The following MYLK4 variants were observed in gnomAD, a reference collection of about 807,000 sequenced individuals.
MYLK4 encodes the protein myosin light chain kinase family member 4.
Under a neutral mutation model 48.1 loss-of-function variants are expected in MYLK4, and 46 were observed. The ratio of observed to expected loss-of-function variants is 0.96; its 90% CI spans 0.75 to 1.22. MYLK4 has a LOEUF of 1.22. Among genes scored for constraint, MYLK4 ranks in the 50% most tolerant of loss-of-function variants. MYLK4 has a pLI of 0.00. For missense variants in MYLK4, 451 were observed against 486.1 expected, an observed-to-expected ratio of 0.93 and a Z score of 0.68; for synonymous variants, 170 against 180.8, an observed-to-expected ratio of 0.94 and a Z score of 0.48.
intron 2 of MYLK4, among the ~76,000 whole-genome samples, chr6:2,737,983 G>GA (rs1277845178): frequency 8.7e-6 from 1 of 115,332 alleles, no homozygotes; most frequent in Admixed American, 9.5e-5. Context: ...GGGGCGGGTG[G>GA]GGGGGGGGTG....
At chr6:2,761,637 C>T in the MYLK4 span, among the ~76,000 whole-genome samples, 2 of 152,178 alleles carry the variant, frequency 1.3e-5, no homozygotes, top group African/African-American at 4.8e-5. Context: ...TCTTATTCCT[C>T]CTTTAGATTT....
At chr6:2,768,680 A>G in the MYLK4 span, 13 of 1,587,864 alleles carry the variant, frequency 8.2e-6, no homozygotes, top group South Asian at 5.7e-5. Flanking sequence ...CATGTATGTC[A>G]TCTTTTCTAG....
chr6:2,768,954 C>G, the MYLK4 span: 1 of 1,443,764 alleles, frequency 6.9e-7, no homozygotes, highest in Non-Finnish European at 9.4e-7. Context: ...GATCACTATA[C>G]AAACGCTAGA....
At chr6:2,709,401 G>A (rs929509555) in intron 2 of MYLK4, among the ~76,000 whole-genome samples, 6 of 152,160 alleles carry the variant, frequency 3.9e-5, no homozygotes, top group Admixed American at 1.3e-4. Context: ...GGATCTGCCC[G>A]TGAGGCATGG....
the MYLK4 span, among the ~76,000 whole-genome samples, chr6:2,764,399 G>A: frequency 6.6e-6 from 1 of 152,180 alleles, no homozygotes; most frequent in African/African-American, 2.4e-5. Context: ...CTGGGCGACA[G>A]AACGAGTGAG....
chr6:2,689,289 T>C (rs1014947527), intron 3 of MYLK4, among the ~76,000 whole-genome samples: 3 of 152,214 alleles, frequency 2.0e-5, no homozygotes, highest in African/African-American at 7.2e-5. Flanking sequence ...CTGAGACCAT[T>C]CAAATTCAAA....
chr6:2,693,280 A>G (rs1761886745), intron 2 of MYLK4, among the ~76,000 whole-genome samples: 1 of 152,234 alleles, frequency 6.6e-6, no homozygotes. Flanking sequence ...GCCCATCTTC[A>G]TGAATAGATG....
rs573708034 is a variant in MYLK4, at chr6:2,749,393, C to T, written c.-99G>A. On this transcript the variant is annotated 5_prime_UTR_variant, in exon 2 of 13. Transcript: ENST00000274643. ...AGGACACAATTATGACTCTTCAGTG[C>T]TTCTTTCTCTTGACTGCAAAGAAAG... The T allele has an allele frequency of 1.1e-6, 1 of 870,098 alleles. No individual in the cohort carries two copies. The highest frequency in any genetic ancestry group is 2.1e-5 in the South Asian group (1 of 47,106). 53.9% of individuals were successfully genotyped at this position (870,098 alleles called of 1,614,324 possible).
intron 8 of MYLK4, 90 bp downstream of exon 8, chr6:2,680,131 C>A: frequency 1.4e-6 from 2 of 1,386,632 alleles, no homozygotes; most frequent in African/African-American, 1.5e-5. Context: ...ATCATGAAAC[C>A]AAAGAGCAGA....
intron 2 of MYLK4, chr6:2,743,989 C>T (rs1052000051): frequency 1.0e-5 from 4 of 398,762 alleles, no homozygotes; most frequent in African/African-American, 6.2e-5. Context: ...AGAGAAGGCA[C>T]ACGCTACCTA....
At chr6:2,716,514 T>C (rs1351931679) in intron 2 of MYLK4, among the ~76,000 whole-genome samples, 2 of 152,234 alleles carry the variant, frequency 1.3e-5, no homozygotes, top group Admixed American at 1.3e-4. Flanking sequence ...TTTCAGTTAT[T>C]TTCTGTAGTT....
chr6:2,764,429 C>G, the MYLK4 span, among the ~76,000 whole-genome samples: 3 of 152,036 alleles, frequency 2.0e-5, no homozygotes, highest in Non-Finnish European at 4.4e-5. Flanking sequence ...GTGCTCTTGC[C>G]CAGATGAAAT....
At chr6:2,676,664 G>A (rs1761093494) in intron 10 of MYLK4, among the ~76,000 whole-genome samples, 1 of 152,146 alleles carries the variant, frequency 6.6e-6, no homozygotes, top group South Asian at 2.1e-4. Context: ...CGGCCCAAAT[G>A]GGCATCTGAT....
intron 3 of MYLK4, among the ~76,000 whole-genome samples, chr6:2,689,595 C>G (rs1015414319): frequency 2.6e-5 from 4 of 152,214 alleles, no homozygotes; most frequent in Non-Finnish European, 4.4e-5. Flanking sequence ...TTTAAACGCT[C>G]GTCCACATCA....
chr6:2,736,454 A>G (rs9503288), intron 2 of MYLK4, among the ~76,000 whole-genome samples: 51,529 of 152,138 alleles, frequency 0.34, 8,729 homozygotes, highest in East Asian at 0.39. Context: ...GGCCTTTAAC[A>G]CTCTAACCTG....
At chr6:2,736,925 T>C (rs1015523179) in intron 2 of MYLK4, among the ~76,000 whole-genome samples, 1 of 152,236 alleles carries the variant, frequency 6.6e-6, no homozygotes, top group Non-Finnish European at 1.5e-5. Context: ...GCATCAGGTG[T>C]AAAGTAGCCA....
intron 9 of MYLK4, 93 bp downstream of exon 9, chr6:2,679,187 A>G: frequency 2.8e-6 from 4 of 1,447,832 alleles, no homozygotes; most frequent in Non-Finnish European, 3.8e-6. Flanking sequence ...TATTTTTTAA[A>G]TACCCCAATT....
chr6:2,753,992 C>A (rs1764360474), upstream of MYLK4, among the ~76,000 whole-genome samples: 2 of 141,654 alleles, frequency 1.4e-5, no homozygotes, highest in South Asian at 4.6e-4. Context: ...AAGACCCCAT[C>A]TCTACCAAAA....
At chr6:2,732,728 T>A (rs1165663678) in intron 2 of MYLK4, among the ~76,000 whole-genome samples, 1 of 151,840 alleles carries the variant, frequency 6.6e-6, no homozygotes, top group Admixed American at 6.6e-5. Flanking sequence ...TGTAGTTTCC[T>A]CTGATGCCTT....
Sources: gnomAD v4.1 joint callset for allele counts (sites outside exome capture counted in the v4.1 genomes callset) on GRCh38, gnomAD v4.1.1 for gene constraint, MANE v1.5 for transcripts, NCBI Gene and HGNC (gene_info 2026-07-23, HGNC 2026-07-21) for gene names.